KCNH1: variants seen among roughly 807,000 people sequenced by gnomAD.
KCNH1 encodes the protein potassium voltage-gated channel subfamily H member 1, also known as voltage-gated delayed rectifier potassium channel KCNH1.
A neutral mutation model predicts 69.2 loss-of-function variants in KCNH1; 27 were observed. The ratio of observed to expected loss-of-function variants is 0.39; its 90% CI spans 0.29 to 0.54. The LOEUF is 0.54. Among genes scored for constraint, KCNH1 ranks in the 20% least tolerant of loss-of-function variants. KCNH1 has a pLI of 0.68. For synonymous variants in KCNH1, 456 were observed against 487.7 expected, an observed-to-expected ratio of 0.93 and a Z score of 0.86; for missense variants, 798 against 1,261.6, an observed-to-expected ratio of 0.63 and a Z score of 5.57.
At chr1:210,943,728 G>A (rs1270972944) in intron 6 of KCNH1, among the ~76,000 whole-genome samples, 2 of 152,140 alleles carry the variant, frequency 1.3e-5, no homozygotes, top group Admixed American at 6.5e-5. Context: ...CAAAAGCAGT[G>A]GTAGAATAAA....
intron 7 of KCNH1, among the ~76,000 whole-genome samples, chr1:210,821,048 T>C (rs1055803477): frequency 1.3e-5 from 2 of 152,198 alleles, no homozygotes; most frequent in African/African-American, 2.4e-5. Context: ...ACTTAAATCA[T>C]ACCATCTTAA....
At chr1:210,747,122 T>C (rs915039910) in intron 10 of KCNH1, among the ~76,000 whole-genome samples, 8 of 152,124 alleles carry the variant, frequency 5.3e-5, no homozygotes, top group African/African-American at 1.9e-4. Flanking sequence ...GACTAGGTTT[T>C]AAGTAGAAAA....
At chr1:210,749,916 T>A (rs926052968) in intron 10 of KCNH1, among the ~76,000 whole-genome samples, 2 of 152,132 alleles carry the variant, frequency 1.3e-5, no homozygotes, top group African/African-American at 2.4e-5. Context: ...CTAATTTTTG[T>A]ATTTTTAGTA....
intron 1 of KCNH1, among the ~76,000 whole-genome samples, chr1:211,124,990 A>C (rs1691752172): frequency 6.6e-6 from 1 of 152,208 alleles, no homozygotes; most frequent in South Asian, 2.1e-4. Context: ...CACACCACTT[A>C]GGAAAACCCC....
At chr1:211,131,587 TC>T (rs1295552087) in intron 1 of KCNH1, among the ~76,000 whole-genome samples, 2 of 152,190 alleles carry the variant, frequency 1.3e-5, no homozygotes, top group African/African-American at 4.8e-5. Context: ...AAAAAAGGGC[TC>T]ATGGATTTTA....
intron 6 of KCNH1, among the ~76,000 whole-genome samples, chr1:211,018,582 C>T (rs1689535153): frequency 6.6e-6 from 1 of 152,216 alleles, no homozygotes; most frequent in South Asian, 2.1e-4. Context: ...TGGTCTCTTC[C>T]ACACCCATTC....
intron 7 of KCNH1, among the ~76,000 whole-genome samples, chr1:210,867,377 ATG>A (rs1352876851): frequency 3.3e-5 from 5 of 150,066 alleles, no homozygotes; most frequent in Non-Finnish European, 5.9e-5. Context: ...ATATATATAT[ATG>A]TGTCCAAAGC....
chr1:211,006,977 A>AAT (rs1242063559), intron 6 of KCNH1, among the ~76,000 whole-genome samples: 7 of 152,278 alleles, frequency 4.6e-5, no homozygotes, highest in African/African-American at 1.2e-4. Flanking sequence ...AAAGACAGAC[A>AAT]ATATATGCCA....
chr1:210,893,095 A>G (rs1340142401), intron 7 of KCNH1, among the ~76,000 whole-genome samples: 2 of 152,164 alleles, frequency 1.3e-5, no homozygotes, highest in Non-Finnish European at 2.9e-5. Context: ...TCAGGCAGAA[A>G]GGCTAGTGTT....
chr1:210,991,549 A>T (rs1205577218), intron 6 of KCNH1, among the ~76,000 whole-genome samples: 1 of 151,732 alleles, frequency 6.6e-6, no homozygotes, highest in East Asian at 1.9e-4. Context: ...CAACATGGTG[A>T]CCATAGTTAA....
chr1:211,065,672 A>C (rs567472114), intron 5 of KCNH1, among the ~76,000 whole-genome samples: 1 of 152,324 alleles, frequency 6.6e-6, no homozygotes, highest in East Asian at 1.9e-4. Context: ...GTGAGGTGAC[A>C]CATATGTTAG....
chr1:210,686,167 A>C (rs1306434801), intron 10 of KCNH1, among the ~76,000 whole-genome samples: 2 of 152,198 alleles, frequency 1.3e-5, no homozygotes, highest in East Asian at 1.9e-4. Flanking sequence ...CACCCTGAAG[A>C]GGGCCAGAGA....
chr1:211,031,716 CCTG>C (rs1359970457), intron 5 of KCNH1, among the ~76,000 whole-genome samples: 1 of 152,206 alleles, frequency 6.6e-6, no homozygotes, highest in African/African-American at 2.4e-5. Context: ...AACAACCCTT[CCTG>C]CTAAAAACTC....
intron 6 of KCNH1, among the ~76,000 whole-genome samples, chr1:210,923,953 A>G (rs1306471374): frequency 6.6e-6 from 1 of 152,238 alleles, no homozygotes; most frequent in African/African-American, 2.4e-5. Context: ...AATAGGGTAG[A>G]TCTTTAATCC....
At chr1:210,767,783 G>A (rs1683666853) in intron 10 of KCNH1, among the ~76,000 whole-genome samples, 1 of 152,126 alleles carries the variant, frequency 6.6e-6, no homozygotes, top group African/African-American at 2.4e-5. Flanking sequence ...CCAAAAGACT[G>A]CACTAGCCTT....
intron 1 of KCNH1, among the ~76,000 whole-genome samples, chr1:211,129,780 A>T (rs915808909): frequency 6.6e-6 from 1 of 152,226 alleles, no homozygotes; most frequent in African/African-American, 2.4e-5. Context: ...TTGCTAACTA[A>T]TTATATCAAC....
At chr1:210,716,989 TC>T (rs1267084641) in intron 10 of KCNH1, among the ~76,000 whole-genome samples, 1 of 152,188 alleles carries the variant, frequency 6.6e-6, no homozygotes, top group Non-Finnish European at 1.5e-5. Flanking sequence ...TCAGTTTATA[TC>T]ATGAATGATA....
At chr1:210,772,220 T>G (rs1001374820) in intron 10 of KCNH1, among the ~76,000 whole-genome samples, 5 of 152,234 alleles carry the variant, frequency 3.3e-5, no homozygotes, top group Admixed American at 3.3e-4. Flanking sequence ...CAAGTCATCT[T>G]CTAGCTCAGA....
chr1:210,744,028 C>T (rs1056311600), intron 10 of KCNH1, among the ~76,000 whole-genome samples: 2 of 152,152 alleles, frequency 1.3e-5, no homozygotes, highest in Non-Finnish European at 2.9e-5. Flanking sequence ...TCCTAGACCA[C>T]TCCTGTAAGC....
Sources: allele counts gnomAD v4.1 joint callset (sites outside exome capture counted in the v4.1 genomes callset), GRCh38; gene constraint gnomAD v4.1.1; transcripts MANE v1.5; gene names NCBI Gene and HGNC (gene_info 2026-07-23, HGNC 2026-07-21).